The following NCKAP5 variants were observed in gnomAD, a reference collection of about 807,000 sequenced individuals.
NCKAP5 encodes NCK associated protein 5.
Under a neutral mutation model 167.0 loss-of-function variants are expected in NCKAP5, and 92 were observed. The ratio of observed to expected loss-of-function variants is 0.55; its 90% CI spans 0.47 to 0.66. The LOEUF (loss-of-function observed/expected upper bound fraction) is 0.66. Among genes scored for constraint, NCKAP5 ranks in the 30% least tolerant of loss-of-function variants. NCKAP5 has a pLI of 0.00. For synonymous variants in NCKAP5, 891 were observed against 877.4 expected, an observed-to-expected ratio of 1.02 and a Z score of -0.27; for missense variants, 2,378 against 2,315.0, an observed-to-expected ratio of 1.03 and a Z score of -0.56.
chr2:133,404,756 T>C (rs934459001), intron 3 of NCKAP5, among the ~76,000 whole-genome samples: 4 of 152,238 alleles, frequency 2.6e-5, no homozygotes, highest in East Asian at 3.8e-4. Flanking sequence ...TGCTTTCCTC[T>C]TGACTTTTGG....
intron 6 of NCKAP5, among the ~76,000 whole-genome samples, chr2:133,079,941 T>G (rs1416208462): frequency 1.3e-5 from 2 of 152,140 alleles, no homozygotes; most frequent in East Asian, 3.9e-4. Context: ...CATTTATCTT[T>G]CTCGCAAACA....
chr2:132,914,109 G>T (rs1694673143), intron 8 of NCKAP5, among the ~76,000 whole-genome samples: 1 of 152,114 alleles, frequency 6.6e-6, no homozygotes, highest in African/African-American at 2.4e-5. Flanking sequence ...ACATAAAAAT[G>T]CAGTACTGAA....
At chr2:133,160,433 C>CTTTTTTTTT (rs869057265) in intron 5 of NCKAP5, among the ~76,000 whole-genome samples, 1 of 100,860 alleles carries the variant, frequency 9.9e-6, no homozygotes, top group Non-Finnish European at 2.0e-5. Flanking sequence ...CTTTTCCTTT[C>CTTTTTTTTT]TTTTTCTTTT....
At chr2:133,605,339 T>C in the NCKAP5 span, among the ~76,000 whole-genome samples, 1 of 151,836 alleles carries the variant, frequency 6.6e-6, no homozygotes, top group Non-Finnish European at 1.5e-5. Flanking sequence ...TGAGGGGAGG[T>C]AGGGATATTT....
chr2:133,075,877 A>G (rs1381375667), intron 6 of NCKAP5, among the ~76,000 whole-genome samples: 2 of 152,208 alleles, frequency 1.3e-5, no homozygotes, highest in Non-Finnish European at 2.9e-5. Flanking sequence ...AAATTACATT[A>G]AAATAAATGG....
chr2:133,190,257 G>C (rs7585881), intron 5 of NCKAP5, among the ~76,000 whole-genome samples: 112,631 of 152,012 alleles, frequency 0.74, 42,409 homozygotes, highest in East Asian at 0.96. Context: ...ACAAACCACT[G>C]TTCAATGAAA....
chr2:133,614,551 G>A, the NCKAP5 span, among the ~76,000 whole-genome samples: 26 of 152,136 alleles, frequency 1.7e-4, no homozygotes, highest in Admixed American at 3.9e-4. Flanking sequence ...GGGTATCAGC[G>A]ATGGAAGATG....
chr2:133,236,457 A>C (rs2087426777), intron 4 of NCKAP5, among the ~76,000 whole-genome samples: 1 of 152,162 alleles, frequency 6.6e-6, no homozygotes, highest in Non-Finnish European at 1.5e-5. Context: ...TGACCAGCAT[A>C]ATTAGGAACG....
intron 3 of NCKAP5, among the ~76,000 whole-genome samples, chr2:133,513,606 T>G (rs553622510): frequency 6.6e-6 from 1 of 152,342 alleles, no homozygotes; most frequent in African/African-American, 2.4e-5. Context: ...AAGTCTTGAT[T>G]ACTATAACGA....
At chr2:132,707,991 C>G (rs1573943772) in intron 19 of NCKAP5, among the ~76,000 whole-genome samples, 2 of 152,108 alleles carry the variant, frequency 1.3e-5, no homozygotes, top group East Asian at 1.9e-4. Flanking sequence ...GCTAGGAACC[C>G]AGTCCTGGCC....
chr2:133,036,576 C>G (rs1373974397), intron 6 of NCKAP5, among the ~76,000 whole-genome samples: 1 of 151,936 alleles, frequency 6.6e-6, no homozygotes, highest in Non-Finnish European at 1.5e-5. Context: ...ACCACATGAT[C>G]ATTTCAATTG....
chr2:133,500,703 A>T (rs1359850164), intron 3 of NCKAP5, among the ~76,000 whole-genome samples: 1 of 152,232 alleles, frequency 6.6e-6, no homozygotes, highest in Non-Finnish European at 1.5e-5. Flanking sequence ...TTAAGCAAAT[A>T]TCTCATTTTT....
chr2:132,744,959 T>G (rs1000273768), intron 16 of NCKAP5, among the ~76,000 whole-genome samples: 2 of 151,826 alleles, frequency 1.3e-5, no homozygotes, highest in Non-Finnish European at 3.0e-5. Context: ...GCAATTGAAT[T>G]TGGAATTAAA....
At chr2:132,791,654 C>G (rs550859866) in intron 12 of NCKAP5, among the ~76,000 whole-genome samples, 6 of 152,310 alleles carry the variant, frequency 3.9e-5, no homozygotes, top group African/African-American at 1.2e-4. Flanking sequence ...AGTGGCAAAG[C>G]CTTTTACTTA....
chr2:133,428,529 C>A (rs1689952479), intron 3 of NCKAP5, among the ~76,000 whole-genome samples: 1 of 151,990 alleles, frequency 6.6e-6, no homozygotes, highest in Non-Finnish European at 1.5e-5. Flanking sequence ...AAAGCAAGAG[C>A]ATTGTGAAAC....
intron 11 of NCKAP5, among the ~76,000 whole-genome samples, chr2:132,805,100 G>C (rs1685330308): frequency 6.6e-6 from 1 of 152,004 alleles, no homozygotes; most frequent in Non-Finnish European, 1.5e-5. Flanking sequence ...AATTGGGAAG[G>C]AAATAATAAT....
intron 11 of NCKAP5, among the ~76,000 whole-genome samples, chr2:132,816,460 A>ATTTCC (rs1287029738): frequency 6.6e-6 from 1 of 151,926 alleles, no homozygotes; most frequent in Non-Finnish European, 1.5e-5. Flanking sequence ...GTTTCAATGG[A>ATTTCC]TTTCCTTTCC....
At chr2:133,540,959 A>G (rs1686182386) in intron 2 of NCKAP5, among the ~76,000 whole-genome samples, 1 of 151,120 alleles carries the variant, frequency 6.6e-6, no homozygotes, top group African/African-American at 2.4e-5. Flanking sequence ...AAAGAAAGAA[A>G]AAAAATCACA....
rs553191448 is a variant in NCKAP5, at chr2:132,884,503, CA to C, written c.580-5588del. 9.4e-4 allele frequency among the ~76,000 whole-genome samples: 143 copies of C among 152,284 alleles called. No individual in the cohort carries two copies. In the Middle Eastern group the frequency reaches 0.014, roughly 14 times the overall value. On this transcript the variant is annotated intron_variant, in intron 8 of 19. Transcript: ENST00000409261. The stretch of plus-strand genomic sequence containing the variant: ...CAATGCCATCTTGAGTAACTTTTAG[CA>C]AGTCACTTACCATTGCTGGGTTTAT...
Sources: gnomAD v4.1 joint callset for allele counts (sites outside exome capture counted in the v4.1 genomes callset) on GRCh38, gnomAD v4.1.1 for gene constraint, MANE v1.5 for transcripts, NCBI Gene and HGNC (gene_info 2026-07-23, HGNC 2026-07-21) for gene names.